CPS1: variants seen among roughly 807,000 people sequenced by gnomAD.
CPS1 encodes the protein carbamoyl-phosphate synthase 1, also known as carbamoyl-phosphate synthase [ammonia], mitochondrial.
CPS1 carries 109 observed loss-of-function variants against 174.6 expected under a neutral mutation model. The observed-to-expected ratio is 0.62, with a 90% CI of 0.53 to 0.73. The LOEUF is 0.73. Among genes scored for constraint, CPS1 ranks in the 30% least tolerant of loss-of-function variants. The pLI, the probability that CPS1 is intolerant of heterozygous loss-of-function variation, is 0.00. For missense variants in CPS1, 1,689 were observed against 1,821.9 expected (o/e 0.93, Z 1.33); for synonymous variants, 637 against 632.0 (o/e 1.01, Z -0.12).
At chr2:210,502,180 G>A (rs1035428699) in intron 1 of CPS1, among the ~76,000 whole-genome samples, 6 of 151,884 alleles carry the variant, frequency 4.0e-5, no homozygotes, top group East Asian at 1.9e-4. Context: ...CCCTTGACAC[G>A]TGGAGATTAT....
At chr2:210,629,662 G>A (rs2105885586) in intron 21 of CPS1, among the ~76,000 whole-genome samples, 1 of 151,994 alleles carries the variant, frequency 6.6e-6, no homozygotes, top group South Asian at 2.1e-4. Flanking sequence ...ACTTTGGTTA[G>A]GCAGTTTCCA....
At chr2:210,640,206 A>G in intron 24 of CPS1, 147 bp downstream of exon 24, 1 of 615,970 alleles carries the variant, frequency 1.6e-6, no homozygotes, top group Non-Finnish European at 2.8e-6. Flanking sequence ...TCAGAAAAAT[A>G]AAACCCAAAT....
At chr2:210,579,826 G>GTA in intron 5 of CPS1, 56 bp downstream of exon 5, 1 of 1,416,586 alleles carries the variant, frequency 7.1e-7, no homozygotes. Flanking sequence ...GTGTGTGTGT[G>GTA]TGTGTGTGGT....
chr2:210,654,781 T>C (rs750070368), intron 29 of CPS1, among the ~76,000 whole-genome samples: 1 of 152,352 alleles, frequency 6.6e-6, no homozygotes, highest in South Asian at 2.1e-4. Context: ...AGCATTCATC[T>C]TCTGCTTTGC....
At chr2:210,490,735 A>G (rs929502016) in intron 1 of CPS1, among the ~76,000 whole-genome samples, 1 of 152,250 alleles carries the variant, frequency 6.6e-6, no homozygotes, top group Admixed American at 6.5e-5. Context: ...GAATCAATTC[A>G]TTTTTTGTAC....
At chr2:210,503,658 A>G (rs983186700) in intron 1 of CPS1, among the ~76,000 whole-genome samples, 12 of 152,178 alleles carry the variant, frequency 7.9e-5, no homozygotes, top group African/African-American at 2.4e-4. Flanking sequence ...TTAGGAATCC[A>G]AAAACGATAC....
At chr2:210,677,199 T>C (rs1343773978) in intron 37 of CPS1, 63 bp downstream of exon 37, 5 of 1,497,106 alleles carry the variant, frequency 3.3e-6, no homozygotes, top group Non-Finnish European at 4.7e-6. Flanking sequence ...CCCTTAAGAG[T>C]GTAATCAGTA....
At chr2:210,518,795 G>T (rs778484894) in intron 1 of CPS1, among the ~76,000 whole-genome samples, 1 of 151,928 alleles carries the variant, frequency 6.6e-6, no homozygotes, top group Non-Finnish European at 1.5e-5. Flanking sequence ...TGACAATTAC[G>T]TGTTTCCTAA....
chr2:210,590,998 G>A, intron 9 of CPS1, 92 bp downstream of exon 9: 1 of 774,198 alleles, frequency 1.3e-6, no homozygotes, highest in East Asian at 2.9e-5. Context: ...CATTTCTTTA[G>A]AGTAAATAAA....
intron 34 of CPS1, chr2:210,671,895 A>G (rs1281273530): frequency 6.6e-6 from 1 of 152,180 alleles, no homozygotes; most frequent in African/African-American, 2.4e-5. Context: ...GAAAAAAATT[A>G]CATTCTAGTA....
chr2:210,646,157 T>A (rs1350423704), intron 25 of CPS1, among the ~76,000 whole-genome samples: 1 of 152,164 alleles, frequency 6.6e-6, no homozygotes, highest in Non-Finnish European at 1.5e-5. Context: ...TTTAAAAAAA[T>A]TATTCTAAAA....
At position 210,594,492 on chromosome 2, in the gene CPS1, T is replaced by C. The variant is rs371478302; in HGVS notation, c.1165-16T>C. 1 of 1,568,896 alleles carries C rather than the reference T, an allele frequency of 6.4e-7. No individual in the cohort carries two copies. The highest frequency in any genetic ancestry group is 8.8e-7 in the Non-Finnish European group (1 of 1,140,622). On this transcript the variant is annotated splice_polypyrimidine_tract_variant and intron_variant, in intron 11 of 37. Transcript: ENST00000233072. ...AATTTTGAAGCTTCTAACTAGTTGG[T>C]TGTATTTTTTTCTAGTACCTGTTTG...
At chr2:210,478,739 C>A (rs1251332843) in intron 1 of CPS1, among the ~76,000 whole-genome samples, 1 of 152,154 alleles carries the variant, frequency 6.6e-6, no homozygotes, top group Non-Finnish European at 1.5e-5. Flanking sequence ...TAGCTTTTTA[C>A]CTCTTATATT....
chr2:210,579,762 C>T lies in CPS1; in HGVS notation c.520C>T (p.Arg174Trp), dbSNP rs1553509661. Residue 174 changes from arginine to tryptophan, a missense_variant, in exon 5 of 38, where the codon CGG becomes TGG. Transcript: ENST00000233072. ...VDTRMLTKII[R>W]DKGTMLGKIE... ...CACAAGAATGCTGACTAAAATAATT[C>T]GGGATAAGGTATAATCATCATCTTT... 5 of 1,612,004 alleles carry T rather than the reference C, an allele frequency of 3.1e-6. No individual in the cohort carries two copies. Among genetic ancestry groups the T allele is most frequent in the Non-Finnish European group, 4.2e-6 (5 of 1,179,122 alleles).
At chr2:210,640,474 A>G (rs1165848601) in intron 24 of CPS1, among the ~76,000 whole-genome samples, 1 of 152,208 alleles carries the variant, frequency 6.6e-6, no homozygotes, top group East Asian at 1.9e-4. Flanking sequence ...ATCCTACGTA[A>G]CATATATGAC....
At chr2:210,577,208 C>G (rs1574544810) in intron 3 of CPS1, 3 of 576,936 alleles carry the variant, frequency 5.2e-6, no homozygotes, top group East Asian at 5.9e-5. Flanking sequence ...TTTACCAAGC[C>G]AGGTAAGCCT....
At chr2:210,574,123 A>G (rs80032493) in intron 2 of CPS1, among the ~76,000 whole-genome samples, 1,678 of 152,196 alleles carry the variant, frequency 0.011, 28 homozygotes, top group African/African-American at 0.038. Flanking sequence ...TTCTAAGGAT[A>G]ACTAATTATA....
At position 210,612,187 on chromosome 2, in the gene CPS1, A is replaced by C. The variant is rs1191923956; in HGVS notation, c.2462A>C (p.Glu821Ala). The C allele has an allele frequency of 6.2e-6, 10 of 1,612,144 alleles. No individual in the cohort carries two copies. The highest frequency in any genetic ancestry group is 7.6e-6 in the Non-Finnish European group (9 of 1,178,900). ...TTACGGATGTGCCACCCATCTATAG[A>C]AGGTTTCACTCCCCGTCTCCCAATG... Reference protein sequence around the residue: ...KALRMCHPSIEGFTPRLPMNK... With the variant: ...KALRMCHPSIAGFTPRLPMNK... Residue 821 changes from glutamate (E) to alanine (A), a missense_variant, in exon 20 of 38, where the codon GAA (glutamate) becomes GCA (alanine). Glu to Ala is a moderately radical substitution (Grantham distance 107). Transcript: ENST00000233072.
intron 1 of CPS1, among the ~76,000 whole-genome samples, chr2:210,527,096 A>G (rs1436719760): frequency 1.3e-5 from 2 of 151,882 alleles, no homozygotes; most frequent in Admixed American, 6.6e-5. Context: ...AAGTTATTCA[A>G]TAGCCTTTTT....
Sources: allele counts gnomAD v4.1 joint callset (sites outside exome capture counted in the v4.1 genomes callset), GRCh38; gene constraint gnomAD v4.1.1; transcripts MANE v1.5; gene names NCBI Gene and HGNC (gene_info 2026-07-23, HGNC 2026-07-21).